Variants in SEC14L1 observed in about 807,000 individuals in gnomAD.
The protein encoded by SEC14L1 is SEC14-like protein 1.
In SEC14L1, 48 loss-of-function variants were observed where a neutral mutation model predicts 85.3. The observed-to-expected ratio is 0.56, with a 90% CI of 0.45 to 0.72. SEC14L1 has a LOEUF of 0.72. Ranked by LOEUF, SEC14L1 falls within the 30% of genes least tolerant of loss-of-function variation. The pLI is 0.00. For synonymous variants in SEC14L1, 391 were observed against 355.5 expected, an observed-to-expected ratio of 1.10 and a Z score of -1.12; for missense variants, 682 against 921.4, an observed-to-expected ratio of 0.74 and a Z score of 3.36.
chr17:77,179,040 C>A (rs963987201), intron 3 of SEC14L1, among the ~76,000 whole-genome samples: 1 of 152,214 alleles, frequency 6.6e-6, no homozygotes, highest in African/African-American at 2.4e-5. Context: ...TTTGAAGTTT[C>A]TTTCTCCTGT....
chr17:77,192,816 G>A (rs980356168), intron 5 of SEC14L1, among the ~76,000 whole-genome samples: 1 of 151,962 alleles, frequency 6.6e-6, no homozygotes, highest in African/African-American at 2.4e-5. Flanking sequence ...ACATGCCACC[G>A]TGCCTGGCTA....
chr17:77,134,646 G>A (rs1972734660), intron 3 of SEC14L1, among the ~76,000 whole-genome samples: 2 of 152,204 alleles, frequency 1.3e-5, no homozygotes, highest in African/African-American at 4.8e-5. Context: ...CAGGAGAATC[G>A]CTTGAACCCA....
intron 3 of SEC14L1, among the ~76,000 whole-genome samples, chr17:77,163,663 A>G (rs894310534): frequency 4.6e-5 from 7 of 152,296 alleles, no homozygotes; most frequent in African/African-American, 1.2e-4. Flanking sequence ...ATGCATTCAC[A>G]TGGATATTCA....
intron 3 of SEC14L1, among the ~76,000 whole-genome samples, chr17:77,166,231 A>T (rs988294722): frequency 6.6e-6 from 1 of 152,194 alleles, no homozygotes. Flanking sequence ...CTGAGCCATC[A>T]TGCTTGGCCC....
intron 8 of SEC14L1, among the ~76,000 whole-genome samples, chr17:77,197,352 C>T (rs1283892491): frequency 6.6e-6 from 1 of 152,200 alleles, no homozygotes; most frequent in East Asian, 1.9e-4. Context: ...GGGAGGCCAA[C>T]CTGTTGATTG....
chr17:77,100,786 CCT>C (rs1337217197), intron 3 of SEC14L1, among the ~76,000 whole-genome samples: 4 of 152,052 alleles, frequency 2.6e-5, no homozygotes, highest in Admixed American at 6.6e-5. Context: ...TTCCTGGTGG[CCT>C]CTCAGCGTAA....
intron 1 of SEC14L1, 89 bp from the exon 2 acceptor site, chr17:77,142,557 C>CAA (rs757563624): frequency 0.021 from 1,655 of 78,048 alleles, 53 homozygotes; most frequent in African/African-American, 0.08. Context: ...CACCCTGTCT[C>CAA]AAAAAAAAAA....
At chr17:77,105,384 C>G (rs571028517) in intron 3 of SEC14L1, among the ~76,000 whole-genome samples, 25 of 105,216 alleles carry the variant, frequency 2.4e-4, no homozygotes, top group African/African-American at 8.6e-4. Flanking sequence ...CCCCCCCCCC[C>G]ACCCCACGTA....
chr17:77,127,189 A>C (rs1158283206), intron 3 of SEC14L1, among the ~76,000 whole-genome samples: 1 of 149,834 alleles, frequency 6.7e-6, no homozygotes, highest in Non-Finnish European at 1.5e-5. Flanking sequence ...CTCTGTGTCC[A>C]TGTGTTCTCA....
At chr17:77,101,280 G>A (rs1971772876) in intron 3 of SEC14L1, among the ~76,000 whole-genome samples, 1 of 152,014 alleles carries the variant, frequency 6.6e-6, no homozygotes, top group Non-Finnish European at 1.5e-5. Context: ...AGTCTCCCAG[G>A]TTCAAGCAAT....
At position 77,202,347 on chromosome 17, in the gene SEC14L1, G is replaced by A. The variant is rs578100364; in HGVS notation, c.1010-1223G>A. ...CTTAAAAAAAAAGGAGGCTGGGCGCGGTGGCTCACACCTGTAATCCCAGCA... is the reference window on the plus strand; with the variant it reads ...CTTAAAAAAAAAGGAGGCTGGGCGCAGTGGCTCACACCTGTAATCCCAGCA... On this transcript the variant is annotated intron_variant, in intron 9 of 16. Coordinates refer to ENST00000436233, the MANE Select transcript of SEC14L1 (RefSeq NM_001143998.2). 1.6e-3 allele frequency among the ~76,000 whole-genome samples: 245 copies of A among 152,064 alleles called. 2 individuals carry two copies. The South Asian group carries it at 0.029, about 18-fold the overall frequency.
upstream of SEC14L1, among the ~76,000 whole-genome samples, chr17:77,140,460 T>C (rs537451721): frequency 1.9e-4 from 29 of 152,338 alleles, no homozygotes; most frequent in African/African-American, 6.7e-4. Flanking sequence ...CTGGTGCTCC[T>C]GAACAGTCAA....
intron 3 of SEC14L1, among the ~76,000 whole-genome samples, chr17:77,124,006 G>A (rs1304694896): frequency 1.3e-5 from 2 of 152,222 alleles, no homozygotes; most frequent in African/African-American, 4.8e-5. Flanking sequence ...GAGCCACGTC[G>A]ATGGGTTCCT....
intron 3 of SEC14L1, among the ~76,000 whole-genome samples, chr17:77,171,093 G>T (rs900301904): frequency 6.6e-6 from 1 of 152,030 alleles, no homozygotes; most frequent in Non-Finnish European, 1.5e-5. Flanking sequence ...CCAAGGGCTT[G>T]CATCTTATTT....
At chr17:77,130,006 C>T (rs775652624) in intron 3 of SEC14L1, 3 of 152,120 alleles carry the variant, frequency 2.0e-5, no homozygotes, top group Non-Finnish European at 4.4e-5. Flanking sequence ...GTGAAACAAA[C>T]AAGCCAAAAA....
At chr17:77,202,550 C>T (rs1447905887) in intron 9 of SEC14L1, among the ~76,000 whole-genome samples, 1 of 151,684 alleles carries the variant, frequency 6.6e-6, no homozygotes, top group Non-Finnish European at 1.5e-5. Context: ...ACCTGGGAGG[C>T]GGAGGTTGCA....
intron 14 of SEC14L1, 127 bp from the exon 15 acceptor site, chr17:77,211,823 C>G: frequency 8.5e-7 from 1 of 1,179,570 alleles, no homozygotes; most frequent in Non-Finnish European, 1.2e-6. Context: ...TCCGTCCATA[C>G]GCATTCAGCG....
At chr17:77,115,429 C>T (rs1291067833) in intron 3 of SEC14L1, among the ~76,000 whole-genome samples, 1 of 151,610 alleles carries the variant, frequency 6.6e-6, no homozygotes, top group Non-Finnish European at 1.5e-5. Context: ...AACTCCATCT[C>T]AAAAAAATAA....
intron 14 of SEC14L1, 134 bp from the exon 15 acceptor site, chr17:77,211,816 G>T: frequency 9.0e-7 from 1 of 1,116,706 alleles, no homozygotes; most frequent in Non-Finnish European, 1.3e-6. Context: ...AAAGAGATCC[G>T]TCCATACGCA....
Sources: gnomAD v4.1 joint callset for allele counts (sites outside exome capture counted in the v4.1 genomes callset) on GRCh38, gnomAD v4.1.1 for gene constraint, MANE v1.5 for transcripts, NCBI Gene and HGNC (gene_info 2026-07-23, HGNC 2026-07-21) for gene names.